The following TRPV4 variants were observed in gnomAD, a reference collection of about 807,000 sequenced individuals.
TRPV4 encodes the protein OSM9-like transient receptor potential channel 4.
Under a neutral mutation model 84.1 loss-of-function variants are expected in TRPV4, and 58 were observed. The observed-to-expected ratio is 0.69, with a 90% CI of 0.56 to 0.86. The LOEUF (loss-of-function observed/expected upper bound fraction) is 0.86. Ranked by LOEUF, TRPV4 falls within the 40% of genes least tolerant of loss-of-function variation. The pLI is 0.00. For synonymous variants in TRPV4, 489 were observed against 500.9 expected (o/e 0.98, Z 0.32); for missense variants, 879 against 1,181.1 (o/e 0.74, Z 3.75).
intron 1 of TRPV4, among the ~76,000 whole-genome samples, chr12:109,829,575 G>A (rs1332614451): frequency 6.6e-6 from 1 of 152,222 alleles, no homozygotes; most frequent in East Asian, 1.9e-4. Context: ...GGATAAGCTG[G>A]AAGAAAACAT....
At chr12:109,823,377 G>A (rs752976340) in intron 1 of TRPV4, among the ~76,000 whole-genome samples, 6 of 152,212 alleles carry the variant, frequency 3.9e-5, no homozygotes, top group South Asian at 2.1e-4. Flanking sequence ...GCGTGGCCAC[G>A]GCAGTCATTT....
In TRPV4 at chr12:109,783,870, A is replaced by G; in HGVS notation, c.2459-92T>C. ...GCCTACTGTGTACTGGGCACTCCAC[A>G]GTGTTCTGAAGGGGGGATGTGACTA... is the stretch of plus-strand genomic sequence containing the variant. On this transcript the variant is annotated intron_variant, in intron 15 of 15. Transcript: ENST00000261740. This position sits in a 1 kb window ranked among gnomAD's most constrained non-coding sequence, Gnocchi z 4.6. 1 of 1,440,042 alleles carries G rather than the reference A, an allele frequency of 6.9e-7. No individual in the cohort carries two copies. Among genetic ancestry groups the G allele is most frequent in the Non-Finnish European group, 9.5e-7 (1 of 1,049,300 alleles). 89.2% of individuals were successfully genotyped at this position (1,440,042 alleles called of 1,614,324 possible).
rs1890956270 is a variant in TRPV4 at position 109,803,809 on chromosome 12, G to A, written c.560-666C>T. The stretch of plus-strand genomic sequence containing the variant: ...TCATAAACAAATAAATGGTTAGAAT[G>A]CTGGGTTAAACAAAGCCAATCATAA... On this transcript the variant is annotated intron_variant, in intron 3 of 15. Transcript: ENST00000261740. Among the ~76,000 whole-genome samples the A allele has an allele frequency of 2.0e-5, 3 of 152,188 alleles. No homozygotes were observed. The South Asian group carries it at 6.2e-4, about 32-fold the overall frequency.
intron 1 of TRPV4, among the ~76,000 whole-genome samples, chr12:109,825,607 A>G (rs1275426881): frequency 6.6e-5 from 10 of 152,134 alleles, no homozygotes; most frequent in Admixed American, 6.5e-4. Flanking sequence ...ACCTTTGGAA[A>G]GGGTTTCCTC....
At position 109,814,618 on chromosome 12, in the gene TRPV4, G is replaced by A. The variant is rs763266931; in HGVS notation, c.179C>T (p.Pro60Leu). 1 of 1,613,876 alleles carries A rather than the reference G, an allele frequency of 6.2e-7. No individual in the cohort carries two copies. Among genetic ancestry groups the A allele is most frequent in the Non-Finnish European group, 8.5e-7 (1 of 1,180,004 alleles). Residue 60 changes from proline (P) to leucine (L), a missense_variant, in exon 2 of 16, where the codon CCA (proline) becomes CTA (leucine). Pro to Leu is a moderately conservative substitution (Grantham distance 98, BLOSUM62 -3). Coordinates refer to ENST00000261740, the MANE Select transcript of TRPV4 (RefSeq NM_021625.5). The surrounding 1 kb of genome is among the most constrained non-coding windows in gnomAD (Gnocchi z 5.4). ...SPADASRPAG[P>L]GDGRPNLRMK... ...GCGCAGATTTGGTCGCCCATCGCCT[G>A]GGCCAGCAGGGCGACTGGCATCAGC...
chr12:109,798,608 ACT>A lies in TRPV4; in HGVS notation c.1152+4_1152+5del. On this transcript the variant is annotated splice_donor_5th_base_variant and intron_variant, in intron 6 of 15. Coordinates refer to ENST00000261740, the MANE Select transcript of TRPV4 (RefSeq NM_021625.5). This position sits in a 1 kb window ranked among gnomAD's most constrained non-coding sequence, Gnocchi z 5.0. ...GGATCAGCTGTGCCCCCAGCCGCAC[ACT>A]CACCCCAATCTTGCCCGTCTTGGCA... 1 of 1,610,290 alleles carries A rather than the reference ACT, an allele frequency of 6.2e-7. No homozygotes were observed. Among genetic ancestry groups the A allele is most frequent in the Non-Finnish European group, 8.5e-7 (1 of 1,179,940 alleles).
chr12:109,820,904 C>G (rs1305888329), intron 1 of TRPV4, among the ~76,000 whole-genome samples: 1 of 152,196 alleles, frequency 6.6e-6, no homozygotes, highest in Non-Finnish European at 1.5e-5. Flanking sequence ...ATAAAGAAAG[C>G]CTCAATAAAC....
rs906017877 is a variant in TRPV4, at chr12:109,814,873, G to A, written c.-31-46C>T. On this transcript the variant is annotated intron_variant, in intron 1 of 15. Coordinates refer to ENST00000261740, the MANE Select transcript of TRPV4 (RefSeq NM_021625.5). This position sits in a 1 kb window ranked among gnomAD's most constrained non-coding sequence, Gnocchi z 5.4. ...AGTCAGGCAGAACCCGGCCAGGGGC[G>A]GGGGCTCCAGGAAGCCCCCTCCCAC... 7.3e-6 allele frequency: 11 copies of A among 1,514,260 alleles called. No individual in the cohort carries two copies. The highest frequency in any genetic ancestry group is 2.0e-5 in the Admixed American group (1 of 49,664). The allele number at this position is 1,514,260 out of a possible 1,614,324, so 93.8% of individuals were successfully genotyped here.
chr12:109,794,544 C>T (rs1745208054), intron 7 of TRPV4, 57 bp from the exon 8 acceptor site: 1 of 1,597,120 alleles, frequency 6.3e-7, no homozygotes, highest in African/African-American at 1.3e-5. Context: ...GGGGTCCAGG[C>T]AGGCTGCCTC....
chr12:109,784,513 C>A, intron 14 of TRPV4, 76 bp from the exon 15 acceptor site: 1 of 1,607,644 alleles, frequency 6.2e-7, no homozygotes. Context: ...AGCACACCCT[C>A]CTATTTTTTT....
rs1227489916 is a variant in TRPV4 at position 109,815,488 on chromosome 12, A to G, written c.-31-661T>C. On this transcript the variant is annotated intron_variant, in intron 1 of 15. Transcript: ENST00000261740. This position sits in a 1 kb window ranked among gnomAD's most constrained non-coding sequence, Gnocchi z 4.1. Reference sequence around the variant, plus strand: ...TACAGAACAGGAAACTGAGGCTCCAATACTTGAGTTGACTTCCCCAGTGCA... The same window carrying G: ...TACAGAACAGGAAACTGAGGCTCCAGTACTTGAGTTGACTTCCCCAGTGCA... Among the ~76,000 whole-genome samples, 1 of 152,218 alleles carries G rather than the reference A, an allele frequency of 6.6e-6. No homozygotes were observed. Among genetic ancestry groups the G allele is most frequent in the Admixed American group, 6.5e-5 (1 of 15,288 alleles).
In TRPV4 at chr12:109,800,700, G is replaced by T. The variant is rs778796999; in HGVS notation, c.771C>A (p.Leu257=). ...ERRCKHYVEL[L]VAQGADVHAQ... Reference sequence around the variant, plus strand: ...CGTGGACATCAGCTCCCTGGGCCACGAGAAGTTCCACGTAGTGTTTGCAGC... The same window carrying T: ...CGTGGACATCAGCTCCCTGGGCCACTAGAAGTTCCACGTAGTGTTTGCAGC... Residue 257 remains leucine (L), a synonymous_variant, in exon 5 of 16, where the codon CTC becomes CTA. Coordinates refer to ENST00000261740, the MANE Select transcript of TRPV4 (RefSeq NM_021625.5). 6.2e-7 allele frequency: 1 copy of T among 1,614,162 alleles called. No individual in the cohort carries two copies. The highest frequency in any genetic ancestry group is 8.5e-7 in the Non-Finnish European group (1 of 1,180,046).
chr12:109,819,121 C>T (rs1033562522), intron 1 of TRPV4, among the ~76,000 whole-genome samples: 3 of 151,890 alleles, frequency 2.0e-5, no homozygotes, highest in Non-Finnish European at 4.4e-5. Flanking sequence ...TGCTCTGTGG[C>T]AATTCCCTCC....
chr12:109,799,525 A>G (rs866495207), intron 5 of TRPV4, among the ~76,000 whole-genome samples: 36 of 152,348 alleles, frequency 2.4e-4, no homozygotes, highest in Middle Eastern at 3.4e-3. Flanking sequence ...AAAATTCAAA[A>G]TATTTCATGA....
At position 109,783,865 on chromosome 12, in the gene TRPV4, T is replaced by G; in HGVS notation, c.2459-87A>C. 1 of 1,479,788 alleles carries G rather than the reference T, an allele frequency of 6.8e-7. No homozygotes were observed. The highest frequency in any genetic ancestry group is 9.2e-7 in the Non-Finnish European group (1 of 1,081,776). The allele number at this position is 1,479,788 out of a possible 1,614,324, so 91.7% of individuals were successfully genotyped here. ...TGAGTGCCTACTGTGTACTGGGCAC[T>G]CCACAGTGTTCTGAAGGGGGGATGT... is the stretch of plus-strand genomic sequence containing the variant. On this transcript the variant is annotated intron_variant, in intron 15 of 15. Coordinates refer to ENST00000261740, the MANE Select transcript of TRPV4 (RefSeq NM_021625.5). This position sits in a 1 kb window ranked among gnomAD's most constrained non-coding sequence, Gnocchi z 4.6.
At chr12:109,823,965 ATG>A (rs1892181201) in intron 1 of TRPV4, among the ~76,000 whole-genome samples, 2 of 140,302 alleles carry the variant, frequency 1.4e-5, no homozygotes, top group Admixed American at 7.3e-5. Context: ...GTGTGTGCGC[ATG>A]TGTGTGTGAC....
At chr12:109,794,678 C>T (rs1890280136) in intron 7 of TRPV4, among the ~76,000 whole-genome samples, 191 bp from the exon 8 acceptor site, 1 of 152,190 alleles carries the variant, frequency 6.6e-6, no homozygotes, top group Non-Finnish European at 1.5e-5. Context: ...CCTTTCCACC[C>T]TATTCTAGCA....
intron 1 of TRPV4, among the ~76,000 whole-genome samples, chr12:109,828,682 C>T (rs1044074249): frequency 2.6e-5 from 4 of 152,198 alleles, no homozygotes; most frequent in Admixed American, 1.3e-4. Context: ...CCTAGCGTAG[C>T]TTTCCACGCA....
chr12:109,800,699 C>G lies in TRPV4; in HGVS notation c.772G>C (p.Val258Leu). The change falls in exon 5 of 16, where the codon GTG (valine) becomes CTG (leucine). Residue 258 changes from valine (V) to leucine (L), a missense_variant. By Grantham distance (32) the Val-to-Leu change is conservative (BLOSUM62 1). This residue lies in a region of TRPV4 where 521 missense variants were observed against 686.6 expected (regional missense o/e 0.76). Coordinates refer to ENST00000261740, the MANE Select transcript of TRPV4 (RefSeq NM_021625.5). ...GCGTGGACATCAGCTCCCTGGGCCA[C>G]GAGAAGTTCCACGTAGTGTTTGCAG... is the stretch of plus-strand genomic sequence containing the variant. ...RRCKHYVELL[V>L]AQGADVHAQA... is the part of the protein sequence containing the mutation. 1 of 1,614,110 alleles carries G rather than the reference C, an allele frequency of 6.2e-7. No homozygotes were observed. The highest frequency in any genetic ancestry group is 8.5e-7 in the Non-Finnish European group (1 of 1,180,024).
Sources: gnomAD v4.1 joint callset for allele counts (sites outside exome capture counted in the v4.1 genomes callset) on GRCh38, gnomAD v4.1.1 for gene constraint, gnomAD v4.1.1 regional missense constraint, Gnocchi (gnomAD v3.1) non-coding constraint, MANE v1.5 for transcripts, NCBI Gene and HGNC (gene_info 2026-07-23, HGNC 2026-07-21) for gene names.